Variants in FBN1 observed in about 807,000 individuals in gnomAD.
FBN1 encodes the protein fibrillin-1.
In FBN1, 29 loss-of-function variants were observed where a neutral mutation model predicts 365.1. The ratio of observed to expected loss-of-function variants is 0.08; its 90% CI spans 0.06 to 0.11. The LOEUF (loss-of-function observed/expected upper bound fraction) is 0.11, where lower values mean the gene tolerates loss of function less well. Ranked by LOEUF, FBN1 falls within the 10% of genes least tolerant of loss-of-function variation. The probability of loss-of-function intolerance (pLI) is 1.00; values close to 1 mark genes in which losing one functional copy is unlikely to be tolerated. For missense variants in FBN1, 2,476 were observed against 3,703.2 expected (o/e 0.67, Z 8.60); for synonymous variants, 1,210 against 1,270.5 (o/e 0.95, Z 1.01).
intron 6 of FBN1, among the ~76,000 whole-genome samples, chr15:48,562,128 A>G (rs781435100): frequency 6.6e-6 from 1 of 152,136 alleles, no homozygotes; most frequent in Non-Finnish European, 1.5e-5. Flanking sequence ...GACTCCCATC[A>G]ATTAGCTCTG....
At chr15:48,584,650 C>T (rs2044422017) in intron 6 of FBN1, among the ~76,000 whole-genome samples, 1 of 152,030 alleles carries the variant, frequency 6.6e-6, no homozygotes, top group South Asian at 2.1e-4. Flanking sequence ...TTCTGCTTGG[C>T]AATGTGGAGA....
intron 17 of FBN1, 137 bp downstream of exon 17, chr15:48,503,650 C>G (rs2043682009): frequency 9.1e-7 from 1 of 1,099,374 alleles, no homozygotes; most frequent in African/African-American, 1.5e-5. Flanking sequence ...ACTGGCTGGC[C>G]TCTGCCAAGA....
chr15:48,463,459 G>C (rs2043296643), intron 41 of FBN1, among the ~76,000 whole-genome samples: 1 of 152,168 alleles, frequency 6.6e-6, no homozygotes, highest in African/African-American at 2.4e-5. Flanking sequence ...GATATTTCAT[G>C]CCACAGAACT....
intron 17 of FBN1, among the ~76,000 whole-genome samples, chr15:48,502,345 C>T (rs2043668337): frequency 6.6e-6 from 1 of 152,082 alleles, no homozygotes; most frequent in African/African-American, 2.4e-5. Context: ...CATGCCTGGC[C>T]CCCCATTTCT....
intron 6 of FBN1, among the ~76,000 whole-genome samples, chr15:48,539,588 C>A (rs1035611483): frequency 3.3e-5 from 5 of 152,088 alleles, no homozygotes; most frequent in African/African-American, 1.2e-4. Context: ...AATTGAAAAA[C>A]CTTTTAATTC....
intron 2 of FBN1, among the ~76,000 whole-genome samples, chr15:48,634,701 C>T (rs1300884858): frequency 6.6e-6 from 1 of 151,852 alleles, no homozygotes; most frequent in Non-Finnish European, 1.5e-5. Context: ...TTCCTATCCT[C>T]CCTATTTTAT....
At chr15:48,493,882 A>T (rs951012900) in intron 23 of FBN1, among the ~76,000 whole-genome samples, 1 of 152,220 alleles carries the variant, frequency 6.6e-6, no homozygotes, top group African/African-American at 2.4e-5. Flanking sequence ...AACCAAAGAA[A>T]GGCAAATTTT....
At chr15:48,448,372 A>T (rs2141251723) in intron 46 of FBN1, among the ~76,000 whole-genome samples, 1 of 152,228 alleles carries the variant, frequency 6.6e-6, no homozygotes, top group South Asian at 2.1e-4. Context: ...CCTTTGTAGG[A>T]TTTATAAATT....
intron 3 of FBN1, among the ~76,000 whole-genome samples, chr15:48,612,446 AT>A (rs1321880237): frequency 7.2e-5 from 11 of 152,234 alleles, no homozygotes; most frequent in Non-Finnish European, 1.2e-4. Flanking sequence ...CTTGTCTGGC[AT>A]GCGATTTGTC....
At chr15:48,449,025 C>T in intron 45 of FBN1, 132 bp from the exon 46 acceptor site, 1 of 757,042 alleles carries the variant, frequency 1.3e-6, no homozygotes, top group South Asian at 1.5e-5. Context: ...TTTATTTTTG[C>T]ATCAAAATGG....
In FBN1 at chr15:48,456,702, A is replaced by C; in HGVS notation, c.5357T>G (p.Val1786Gly). The change falls in exon 44 of 66, where the codon GTT (valine) becomes GGT (glycine). Residue 1786 changes from valine (V) to glycine (G), a missense_variant. Coordinates refer to ENST00000316623, the MANE Select transcript of FBN1 (RefSeq NM_000138.5). ...VCENGVCINM[V>G]GSFRCECPVG... ...TGGACATTCACATCGGAAGCTGCCA[A>C]CCATGTTGATACACACTCCATTTTC... The C allele has an allele frequency of 6.2e-7, 1 of 1,614,034 alleles. No individual in the cohort carries two copies. Among genetic ancestry groups the C allele is most frequent in the Non-Finnish European group, 8.5e-7 (1 of 1,179,892 alleles).
In FBN1 at chr15:48,408,466, T is replaced by C. The variant is rs75372203; in HGVS notation, c.*2524A>G. ...GTAGTTGTTTGTGCAAGTTTAAACA[T>C]TTCACAAGGCCAGCTGAGTTCATTT... On this transcript the variant is annotated 3_prime_UTR_variant, in exon 66 of 66. Transcript: ENST00000316623. 456 of 152,764 alleles carry C rather than the reference T, an allele frequency of 3.0e-3. 5 individuals are homozygous for C. In the East Asian group the frequency reaches 0.031, roughly 10 times the overall value. 9.5% of individuals were successfully genotyped at this position (152,764 alleles called of 1,614,324 possible). A position where few individuals can be genotyped will look rare whatever the true frequency, so the allele number is the denominator to read the frequency against.
intron 9 of FBN1, among the ~76,000 whole-genome samples, chr15:48,524,900 G>C (rs537608668): frequency 6.6e-6 from 1 of 152,208 alleles, no homozygotes; most frequent in South Asian, 2.1e-4. Flanking sequence ...GGATACATTT[G>C]ATAAAAAGAA....
chr15:48,606,834 T>C (rs1419769301), intron 4 of FBN1, among the ~76,000 whole-genome samples: 2 of 152,252 alleles, frequency 1.3e-5, no homozygotes, highest in African/African-American at 4.8e-5. Flanking sequence ...ATTGTGATGG[T>C]ATTAAGAGGT....
chr15:48,503,720 C>T, intron 17 of FBN1, 67 bp downstream of exon 17: 3 of 1,606,368 alleles, frequency 1.9e-6, no homozygotes, highest in Non-Finnish European at 2.6e-6. Context: ...GTGAATTCCA[C>T]AAATGCAAAG....
intron 59 of FBN1, 45 bp from the exon 60 acceptor site, chr15:48,425,536 G>A: frequency 1.9e-6 from 3 of 1,613,046 alleles, no homozygotes; most frequent in Non-Finnish European, 2.5e-6. Context: ...TAAAAATGAT[G>A]TGTACACGCT....
intron 56 of FBN1, among the ~76,000 whole-genome samples, chr15:48,429,524 T>C (rs1203827779): frequency 1.3e-5 from 2 of 152,172 alleles, no homozygotes; most frequent in Non-Finnish European, 2.9e-5. Context: ...GAGCTCTCAC[T>C]AGGAAAGAGA....
chr15:48,601,773 C>T (rs963434298), intron 4 of FBN1, among the ~76,000 whole-genome samples: 1 of 152,190 alleles, frequency 6.6e-6, no homozygotes, highest in Admixed American at 6.5e-5. Context: ...CTTCTATACC[C>T]TTCCTTTTAC....
intron 6 of FBN1, among the ~76,000 whole-genome samples, chr15:48,587,689 T>G (rs1597619468): frequency 6.6e-6 from 1 of 152,182 alleles, no homozygotes. Context: ...TCCAATATAG[T>G]ATGCATGTCT....
Sources: allele counts gnomAD v4.1 joint callset (sites outside exome capture counted in the v4.1 genomes callset), GRCh38; gene constraint gnomAD v4.1.1; transcripts MANE v1.5; gene names NCBI Gene and HGNC (gene_info 2026-07-23, HGNC 2026-07-21).